NFE2L2: variants seen among roughly 807,000 people sequenced by gnomAD.
NFE2L2 encodes NFE2 like bZIP transcription factor 2.
Under a neutral mutation model 49.6 loss-of-function variants are expected in NFE2L2, and 20 were observed. The observed-to-expected ratio is 0.40, with a 90% CI of 0.28 to 0.59. NFE2L2 has a LOEUF of 0.59. Ranked by LOEUF, NFE2L2 falls within the 20% of genes least tolerant of loss-of-function variation. The pLI is 0.40. For missense variants in NFE2L2, 578 were observed against 714.2 expected, an observed-to-expected ratio of 0.81 and a Z score of 2.17; for synonymous variants, 244 against 256.5, an observed-to-expected ratio of 0.95 and a Z score of 0.47.
chr2:177,253,554 A>G (rs1408060607), intron 1 of NFE2L2, among the ~76,000 whole-genome samples: 1 of 152,178 alleles, frequency 6.6e-6, no homozygotes, highest in East Asian at 1.9e-4. Context: ...CCTAATAAAT[A>G]TTTGCGGAAT....
In NFE2L2 at chr2:177,264,544, G is replaced by T; in HGVS notation, c.33C>A (p.Leu11=). The change falls in exon 1 of 5, where the codon CTC becomes CTA. Residue 11 remains leucine, a synonymous_variant. Transcript: ENST00000397062. MMDLELPPPG[L]PSQQDMDLID... is the part of the protein sequence containing the mutation. The stretch of plus-strand genomic sequence containing the variant: ...GCCGAGGCAGCACCTGCTGGGACGG[G>T]AGTCCCGGCGGCGGCAGCTCCAAGT... 6.6e-6 allele frequency: 10 copies of T among 1,522,484 alleles called. No individual in the cohort carries two copies. Among genetic ancestry groups the T allele is most frequent in the Admixed American group, 2.1e-5 (1 of 48,276 alleles). The allele number at this position is 1,522,484 out of a possible 1,614,324, so 94.3% of individuals were successfully genotyped here. A position where few individuals can be genotyped will look rare whatever the true frequency, so the allele number is the denominator to read the frequency against.
rs555210294 is a variant in NFE2L2, at chr2:177,244,016, C to A, written c.46-9745G>T. On this transcript the variant is annotated intron_variant, in intron 1 of 4. Coordinates refer to ENST00000397062, the MANE Select transcript of NFE2L2 (RefSeq NM_006164.5). Reference sequence around the variant, plus strand: ...TAGCTTTAAAAAAAAAAAAAAAGATCCTTGCTGGGTGCGGTGGCTCACGCC... The same window carrying A: ...TAGCTTTAAAAAAAAAAAAAAAGATACTTGCTGGGTGCGGTGGCTCACGCC... 2.6e-5 allele frequency among the ~76,000 whole-genome samples: 4 copies of A among 151,014 alleles called. No homozygotes were observed. In the East Asian group the frequency reaches 5.8e-4, roughly 22 times the overall value.
intron 1 of NFE2L2, among the ~76,000 whole-genome samples, chr2:177,238,242 T>C (rs143328561): frequency 5.3e-5 from 8 of 152,346 alleles, no homozygotes; most frequent in Non-Finnish European, 1.0e-4. Flanking sequence ...GTTGTGACTT[T>C]TTCATGCAAC....
chr2:177,238,076 G>A (rs572136264), intron 1 of NFE2L2, among the ~76,000 whole-genome samples: 1 of 152,324 alleles, frequency 6.6e-6, no homozygotes, highest in Admixed American at 6.5e-5. Context: ...TGTGCAAAGT[G>A]TGCAAAGCTC....
intron 1 of NFE2L2, 103 bp from the exon 2 acceptor site, chr2:177,234,374 G>T (rs2105460244): frequency 7.7e-7 from 1 of 1,301,072 alleles, no homozygotes; most frequent in East Asian, 2.4e-5. Context: ...GTGGGAAGTG[G>T]GGAGATTACA....
At chr2:177,246,928 T>C (rs1298034391) in intron 1 of NFE2L2, among the ~76,000 whole-genome samples, 1 of 152,188 alleles carries the variant, frequency 6.6e-6, no homozygotes, top group African/African-American at 2.4e-5. Context: ...GACTGGACAT[T>C]ATTTCATTAC....
chr2:177,250,058 A>T (rs1348110446), intron 1 of NFE2L2, among the ~76,000 whole-genome samples: 1 of 152,142 alleles, frequency 6.6e-6, no homozygotes, highest in African/African-American at 2.4e-5. Flanking sequence ...CTGAGACAGT[A>T]TTTGTACTGT....
chr2:177,254,568 G>GATC, intron 1 of NFE2L2, among the ~76,000 whole-genome samples: 1 of 152,082 alleles, frequency 6.6e-6, no homozygotes, highest in Non-Finnish European at 1.5e-5. Flanking sequence ...GCTTGTCACA[G>GATC]CGATCCGTGG....
At chr2:177,248,778 T>C (rs1690226137) in intron 1 of NFE2L2, among the ~76,000 whole-genome samples, 1 of 152,158 alleles carries the variant, frequency 6.6e-6, no homozygotes, top group Non-Finnish European at 1.5e-5. Context: ...TATTGTGTGG[T>C]TCTGTAAGAC....
intron 1 of NFE2L2, among the ~76,000 whole-genome samples, chr2:177,252,670 A>C (rs1471951639): frequency 1.3e-5 from 2 of 151,692 alleles, no homozygotes; most frequent in Admixed American, 1.3e-4. Flanking sequence ...TTTTTAAAGC[A>C]CAGGAACAGC....
chr2:177,260,784 A>C (rs1045503215), intron 1 of NFE2L2, among the ~76,000 whole-genome samples: 1 of 127,958 alleles, frequency 7.8e-6, no homozygotes, highest in Non-Finnish European at 1.8e-5. Flanking sequence ...TCCAGTAGCT[A>C]AGAGATTTAA....
At chr2:177,232,664 A>G in intron 3 of NFE2L2, 81 bp from the exon 4 acceptor site, 4 of 1,367,358 alleles carry the variant, frequency 2.9e-6, no homozygotes, top group Non-Finnish European at 4.0e-6. Flanking sequence ...ACAAAACAAA[A>G]TGGAATCAGC....
chr2:177,256,582 T>A (rs889368920), intron 1 of NFE2L2, among the ~76,000 whole-genome samples: 1 of 151,134 alleles, frequency 6.6e-6, no homozygotes, highest in Non-Finnish European at 1.5e-5. Flanking sequence ...AAATCTTAAC[T>A]GAAGTCCTTC....
chr2:177,258,869 A>C (rs1001260700), intron 1 of NFE2L2, among the ~76,000 whole-genome samples: 3 of 152,214 alleles, frequency 2.0e-5, no homozygotes, highest in African/African-American at 7.2e-5. Flanking sequence ...TGTACAGCTG[A>C]TAATACAGGC....
chr2:177,241,585 C>A (rs140260993), intron 1 of NFE2L2, among the ~76,000 whole-genome samples: 154 of 152,272 alleles, frequency 1.0e-3, no homozygotes, highest in African/African-American at 3.7e-3. Flanking sequence ...CAGCCAGGCA[C>A]GGTGGCTCAC....
intron 1 of NFE2L2, among the ~76,000 whole-genome samples, chr2:177,238,947 C>T (rs909436716): frequency 7.2e-5 from 11 of 152,116 alleles, no homozygotes; most frequent in Non-Finnish European, 1.5e-4. Context: ...GCAGTGGGCA[C>T]GCCCATATAC....
At chr2:177,252,682 G>A (rs192689231) in intron 1 of NFE2L2, among the ~76,000 whole-genome samples, 20 of 152,308 alleles carry the variant, frequency 1.3e-4, no homozygotes, top group Admixed American at 3.3e-4. Context: ...AGGAACAGCG[G>A]AGCATGCAAG....
chr2:177,243,234 T>A (rs1384809814), intron 1 of NFE2L2, among the ~76,000 whole-genome samples: 3 of 152,094 alleles, frequency 2.0e-5, no homozygotes, highest in Non-Finnish European at 4.4e-5. Flanking sequence ...CTCCCTAACC[T>A]ACTTTACCAA....
intron 1 of NFE2L2, among the ~76,000 whole-genome samples, chr2:177,235,264 A>G (rs1451848198): frequency 6.6e-6 from 1 of 151,570 alleles, no homozygotes; most frequent in Non-Finnish European, 1.5e-5. Context: ...TGTTTCTACC[A>G]AAACAAAAAC....
Sources: allele counts gnomAD v4.1 joint callset (sites outside exome capture counted in the v4.1 genomes callset), GRCh38; gene constraint gnomAD v4.1.1; transcripts MANE v1.5; gene names NCBI Gene and HGNC (gene_info 2026-07-23, HGNC 2026-07-21).